Variants in ZSWIM8 observed in about 807,000 individuals in gnomAD.
ZSWIM8 encodes the protein zinc finger SWIM-type containing 8, also known as zinc finger SWIM domain-containing protein 8.
In ZSWIM8, 27 loss-of-function variants were observed where a neutral mutation model predicts 173.7. That is an observed-to-expected ratio of 0.16 (90% confidence interval 0.11 to 0.21). The LOEUF (loss-of-function observed/expected upper bound fraction) is 0.21, where lower values mean the gene tolerates loss of function less well. ZSWIM8 is among the 10% of genes least tolerant of loss of function. The pLI is 1.00. For synonymous variants in ZSWIM8, 958 were observed against 962.0 expected, an observed-to-expected ratio of 1.00 and a Z score of 0.08; for missense variants, 1,627 against 2,428.8, an observed-to-expected ratio of 0.67 and a Z score of 6.94.
rs560592056 is a variant in ZSWIM8 at position 73,789,836 on chromosome 10, C to T, written c.738+12C>T. The T allele has an allele frequency of 4.2e-5, 67 of 1,597,338 alleles. 3 individuals carry two copies. In the South Asian group the frequency reaches 5.9e-4, roughly 14 times the overall value. On this transcript the variant is annotated intron_variant, in intron 5 of 25. Coordinates refer to ENST00000604729, the MANE Select transcript of ZSWIM8 (RefSeq NM_001367799.1). The surrounding 1 kb of genome is among the most constrained non-coding windows in gnomAD (Gnocchi z 6.8). ...AGCTCCCTCAGCAGGTGGGTGAGGT[C>T]GGCACCCCCTCCTGCAATTAGCTCC...
rs1178167832 is a variant in ZSWIM8, at chr10:73,797,617, G to A, written c.3662+12G>A. ...GTTGAAGTTGGCAGGTCAGTGGGAAGAACTCCCCATCTTCCCTGATCTGGC... is the reference window on the plus strand; with the variant it reads ...GTTGAAGTTGGCAGGTCAGTGGGAAAAACTCCCCATCTTCCCTGATCTGGC... On this transcript the variant is annotated intron_variant, in intron 18 of 25. Coordinates refer to ENST00000604729, the MANE Select transcript of ZSWIM8 (RefSeq NM_001367799.1). This position sits in a 1 kb window ranked among gnomAD's most constrained non-coding sequence, Gnocchi z 5.6. 1 of 1,613,232 alleles carries A rather than the reference G, an allele frequency of 6.2e-7. No homozygotes were observed. Among genetic ancestry groups the A allele is most frequent in the East Asian group, 2.2e-5 (1 of 44,864 alleles).
At chr10:73,786,886 C>T (rs1236928744) in intron 1 of ZSWIM8, among the ~76,000 whole-genome samples, 2 of 151,764 alleles carry the variant, frequency 1.3e-5, no homozygotes, top group African/African-American at 4.8e-5. Flanking sequence ...GTTTTCCAAA[C>T]TGGCTTGTGG....
At position 73,800,878 on chromosome 10, in the gene ZSWIM8, C is replaced by A; in HGVS notation, c.5122+119C>A. On this transcript the variant is annotated intron_variant, in intron 24 of 25. Transcript: ENST00000604729. The surrounding 1 kb of genome is among the most constrained non-coding windows in gnomAD (Gnocchi z 4.1). ...TTGAGGCCTTGGTCGGGTATGTGTG[C>A]GTGCGCGGGGGGCGGAGGGTTACCT... 4 of 1,176,256 alleles carry A rather than the reference C, an allele frequency of 3.4e-6. No individual in the cohort carries two copies. The highest frequency in any genetic ancestry group is 4.8e-6 in the Non-Finnish European group (4 of 833,738). The allele number at this position is 1,176,256 out of a possible 1,614,324, so 72.9% of individuals were successfully genotyped here.
At position 73,801,194 on chromosome 10, in the gene ZSWIM8, A is replaced by G; in HGVS notation, c.5300A>G (p.Gln1767Arg). 6.2e-7 allele frequency: 1 copy of G among 1,601,418 alleles called. No homozygotes were observed. The highest frequency in any genetic ancestry group is 2.3e-5 in the East Asian group (1 of 44,282). The change falls in exon 25 of 26, where the codon CAG (glutamine) becomes CGG (arginine). Residue 1767 changes from glutamine (Q) to arginine (R), a missense_variant and splice_region_variant. Physicochemically the swap from Gln to Arg is conservative, Grantham distance 43. Transcript: ENST00000604729. The surrounding 1 kb of genome is among the most constrained non-coding windows in gnomAD (Gnocchi z 4.9). ...LVQRCQQAYM[Q>R]YIHHRLIHLT... is the part of the protein sequence containing the mutation. ...CAGCGCTGCCAGCAGGCATACATGCAGGTGACAACCTAGAATTATGGAGCA... is the reference window on the plus strand; with the variant it reads ...CAGCGCTGCCAGCAGGCATACATGCGGGTGACAACCTAGAATTATGGAGCA...
rs768693989 is a variant in ZSWIM8, at chr10:73,795,675, G to C, written c.3033+12G>C. The C allele has an allele frequency of 1.9e-6, 3 of 1,609,554 alleles. No individual in the cohort carries two copies. Among genetic ancestry groups the C allele is most frequent in the Middle Eastern group, 1.7e-4 (1 of 5,752 alleles). ...CCAAGCTTAAGAAGGTAAGAGACTG[G>C]GGCTGGGTGCGGTGGCTCATGCCTG... On this transcript the variant is annotated intron_variant, in intron 15 of 25. Transcript: ENST00000604729.
In ZSWIM8 at chr10:73,792,921, G is replaced by C; in HGVS notation, c.2313+69G>C. ...AACTGGGAGGGGCTATCTAGCTCTA[G>C]TTGGGAGTGTCAGGACCATCAGCAG... On this transcript the variant is annotated intron_variant, in intron 10 of 25. Transcript: ENST00000604729. This position sits in a 1 kb window ranked among gnomAD's most constrained non-coding sequence, Gnocchi z 4.3. The C allele has an allele frequency of 6.7e-7, 1 of 1,487,420 alleles. No homozygotes were observed. The highest frequency in any genetic ancestry group is 8.9e-7 in the Non-Finnish European group (1 of 1,122,048). The allele number at this position is 1,487,420 out of a possible 1,614,324, so 92.1% of individuals were successfully genotyped here. A position where few individuals can be genotyped will look rare whatever the true frequency, so the allele number is the denominator to read the frequency against.
intron 10 of ZSWIM8, 147 bp from the exon 11 acceptor site, chr10:73,793,437 GTGTC>G (rs2083493405): frequency 3.8e-6 from 3 of 793,518 alleles, no homozygotes; most frequent in African/African-American, 3.5e-5. Flanking sequence ...GTGTGTTTAT[GTGTC>G]TGTCTTTCTA....
rs748415119 is a variant in ZSWIM8 at position 73,791,134 on chromosome 10, C to G, written c.1101C>G (p.Pro367=). 8 of 1,613,106 alleles carry G rather than the reference C, an allele frequency of 5.0e-6. No individual in the cohort carries two copies. In the Admixed American group the frequency reaches 6.7e-5, roughly 13 times the overall value. The part of the protein sequence containing the change: ...MFKRRDSNAA[P]LLEILTDQCL... ...AGCGGAGGGACAGCAATGCTGCCCC[C>G]TTGTTGGAAATCCTCACTGACCAGT... is the stretch of plus-strand genomic sequence containing the variant. The change falls in exon 8 of 26, where the codon CCC becomes CCG. Residue 367 remains proline (P), a synonymous_variant. Transcript: ENST00000604729. The surrounding 1 kb of genome is among the most constrained non-coding windows in gnomAD (Gnocchi z 6.0).
intron 14 of ZSWIM8, among the ~76,000 whole-genome samples, chr10:73,795,111 GA>G (rs1206250454): frequency 5.4e-5 from 8 of 149,014 alleles, no homozygotes; most frequent in Admixed American, 1.3e-4. Flanking sequence ...CTCAAACAAA[GA>G]AAAAAAAAAT....
At chr10:73,790,859 A>C (rs200896997) in intron 7 of ZSWIM8, 116 bp from the exon 8 acceptor site, 3 of 1,024,090 alleles carry the variant, frequency 2.9e-6, no homozygotes, top group Non-Finnish European at 4.2e-6. Flanking sequence ...AAAAAAAAAA[A>C]TTTTGTTACA....
chr10:73,785,939 C>G lies in ZSWIM8; in HGVS notation c.61C>G (p.Arg21Gly). Residue 21 changes from arginine to glycine, a missense_variant, in exon 1 of 26, where the codon CGT becomes GGT. Physicochemically the swap from Arg to Gly is moderately radical, Grantham distance 125. This residue lies in a region of ZSWIM8 where 60 missense variants were observed against 93.9 expected (regional missense o/e 0.64). Transcript: ENST00000604729. ...GERFSFEDSDRFEEDSLCSFI... is the reference protein window; with the variant it reads ...GERFSFEDSDGFEEDSLCSFI... ...GCGCTTCTCATTCGAGGATTCGGAC[C>G]GTTTTGAGGAGGATTCACTCTGTTC... is the stretch of plus-strand genomic sequence containing the variant. 1 of 1,557,574 alleles carries G rather than the reference C, an allele frequency of 6.4e-7. No homozygotes were observed.
At position 73,792,639 on chromosome 10, in the gene ZSWIM8, C is replaced by T. The variant is rs144000079; in HGVS notation, c.2100C>T (p.Asp700=). The change falls in exon 10 of 26, where the codon GAC becomes GAT. Residue 700 remains aspartate, a synonymous_variant. Transcript: ENST00000604729. The surrounding 1 kb of genome is among the most constrained non-coding windows in gnomAD (Gnocchi z 4.3). ...TGCCTGGGGATGTCTGTACCCAGGA[C>T]GACCTCCCTTCTACAGATGAGAGTG... ...GLLPGDVCTQ[D]DLPSTDESGN... 9.2e-4 allele frequency: 1,478 copies of T among 1,613,992 alleles called. 17 individuals are homozygous for T. The African/African-American group carries it at 0.017, about 19-fold the overall frequency.
Position 73,800,972 on chromosome 10 carries a change from C to A in ZSWIM8, c.5123-45C>A. Reference sequence around the variant, plus strand: ...AGATCTGTAAGTTGGGTCCCTAGGGCAGAGGTGGCCACCCCCGTCTCATGC... The same window carrying A: ...AGATCTGTAAGTTGGGTCCCTAGGGAAGAGGTGGCCACCCCCGTCTCATGC... On this transcript the variant is annotated intron_variant, in intron 24 of 25. Transcript: ENST00000604729. This position sits in a 1 kb window ranked among gnomAD's most constrained non-coding sequence, Gnocchi z 4.1. 1.3e-6 allele frequency: 2 copies of A among 1,507,068 alleles called. No homozygotes were observed. Among genetic ancestry groups the A allele is most frequent in the South Asian group, 1.2e-5 (1 of 80,534 alleles). The allele number at this position is 1,507,068 out of a possible 1,614,324, so 93.4% of individuals were successfully genotyped here.
intron 20 of ZSWIM8, 52 bp downstream of exon 20, chr10:73,798,505 G>C: frequency 1.9e-6 from 3 of 1,540,276 alleles, no homozygotes; most frequent in Non-Finnish European, 2.7e-6. Context: ...GGGCAGGGAG[G>C]TTGGGCATGG....
chr10:73,785,851 G>C lies in ZSWIM8; in HGVS notation c.-28G>C. The C allele has an allele frequency of 1.4e-6, 2 of 1,474,986 alleles. No individual in the cohort carries two copies. The highest frequency in any genetic ancestry group is 1.8e-6 in the Non-Finnish European group (2 of 1,109,646). The allele number at this position is 1,474,986 out of a possible 1,614,324, so 91.4% of individuals were successfully genotyped here. ...GCCCAGGCCCCGGATCCGCGGGGGG[G>C]GACCCGGCCCCGGGGGGTGCGGGCC... On this transcript the variant is annotated 5_prime_UTR_variant, in exon 1 of 26. Transcript: ENST00000604729.
chr10:73,791,449 G>T lies in ZSWIM8; in HGVS notation c.1269G>T (p.Met423Ile), dbSNP rs762975990. ...CCTGTGCCAGCATGTGTGACGAGAT[G>T]GTCACACTGTGGAGGCTGGCCGTGC... is the stretch of plus-strand genomic sequence containing the variant. ...AHACASMCDE[M>I]VTLWRLAVLD... Residue 423 changes from methionine to isoleucine, a missense_variant, in exon 9 of 26, where the codon ATG becomes ATT. By Grantham distance (10) the Met-to-Ile change is conservative. Transcript: ENST00000604729. This position sits in a 1 kb window ranked among gnomAD's most constrained non-coding sequence, Gnocchi z 6.0. 1 of 1,613,350 alleles carries T rather than the reference G, an allele frequency of 6.2e-7. No homozygotes were observed. The highest frequency in any genetic ancestry group is 8.5e-7 in the Non-Finnish European group (1 of 1,179,430).
At chr10:73,798,124 AGACCCTT>A in intron 19 of ZSWIM8, 54 bp downstream of exon 19, 1 of 1,600,072 alleles carries the variant, frequency 6.2e-7, no homozygotes, top group Non-Finnish European at 8.5e-7. Context: ...GGTGGGGATA[AGACCCTT>A]ATCTTTGTGG....
In ZSWIM8 at chr10:73,789,116, A is replaced by G. The variant is rs2132663932; in HGVS notation, c.383A>G (p.Asn128Ser). The change falls in exon 3 of 26, where the codon AAT (asparagine) becomes AGT (serine). Residue 128 changes from asparagine to serine, a missense_variant. By Grantham distance (46) the Asn-to-Ser change is conservative (BLOSUM62 1). Coordinates refer to ENST00000604729, the MANE Select transcript of ZSWIM8 (RefSeq NM_001367799.1). This position sits in a 1 kb window ranked among gnomAD's most constrained non-coding sequence, Gnocchi z 6.8. Reference sequence around the variant, plus strand: ...CCCAGGCTGTATTCGTGCCTGGCCAATGGCAGTGCGGATGAGTTTCAGCGA... The same window carrying G: ...CCCAGGCTGTATTCGTGCCTGGCCAGTGGCAGTGCGGATGAGTTTCAGCGA... ...EDIRLYSCLANGSADEFQRGD... is the reference protein window; with the variant it reads ...EDIRLYSCLASGSADEFQRGD... 2 of 1,613,582 alleles carry G rather than the reference A, an allele frequency of 1.2e-6. No individual in the cohort carries two copies. Among genetic ancestry groups the G allele is most frequent in the Non-Finnish European group, 1.7e-6 (2 of 1,179,658 alleles).
At chr10:73,790,936 G>A (rs770180707) in intron 7 of ZSWIM8, 39 bp from the exon 8 acceptor site, 7 of 1,573,646 alleles carry the variant, frequency 4.4e-6, no homozygotes, top group East Asian at 4.5e-5. Flanking sequence ...ATTCAGCCCC[G>A]TCTTACTGTC....
Sources: gnomAD v4.1 joint callset for allele counts (sites outside exome capture counted in the v4.1 genomes callset) on GRCh38, gnomAD v4.1.1 for gene constraint, gnomAD v4.1.1 regional missense constraint, Gnocchi (gnomAD v3.1) non-coding constraint, MANE v1.5 for transcripts, NCBI Gene and HGNC (gene_info 2026-07-23, HGNC 2026-07-21) for gene names.